The following CEP350 variants were observed in gnomAD, a reference collection of about 807,000 sequenced individuals.
The protein encoded by CEP350 is centrosome-associated protein 350.
In CEP350, 126 loss-of-function variants were observed where a neutral mutation model predicts 331.8. The observed-to-expected ratio is 0.38, with a 90% confidence interval of 0.33 to 0.44. The LOEUF is 0.44. Among genes scored for constraint, CEP350 ranks in the 20% least tolerant of loss-of-function variants. CEP350 has a pLI of 1.00. For synonymous variants in CEP350, 1,200 were observed against 1,259.5 expected (o/e 0.95, Z 1.00); for missense variants, 3,406 against 3,634.6 (o/e 0.94, Z 1.62).
chr1:179,971,581 C>T (rs997249665), intron 1 of CEP350, among the ~76,000 whole-genome samples: 1 of 152,186 alleles, frequency 6.6e-6, no homozygotes, highest in Non-Finnish European at 1.5e-5. Flanking sequence ...CTATCTTGGC[C>T]TCCCAAAGCG....
chr1:180,058,556 A>T (rs1235650175), intron 25 of CEP350, among the ~76,000 whole-genome samples: 2 of 152,156 alleles, frequency 1.3e-5, no homozygotes, highest in African/African-American at 4.8e-5. Flanking sequence ...ACTTCTGGGG[A>T]AGAGAGGAAG....
chr1:180,025,115 G>A (rs113329830), intron 14 of CEP350, among the ~76,000 whole-genome samples: 5 of 151,766 alleles, frequency 3.3e-5, no homozygotes, highest in South Asian at 2.1e-4. Context: ...TAGTAGAGAC[G>A]GGGTTTCACC....
At chr1:180,019,855 C>A in intron 11 of CEP350, 94 bp from the exon 12 acceptor site, 1 of 1,008,236 alleles carries the variant, frequency 9.9e-7, no homozygotes, top group Non-Finnish European at 1.4e-6. Flanking sequence ...TTTTTTGTTG[C>A]AGTGCATCCT....
At chr1:179,955,734 A>C (rs1650127235) in intron 1 of CEP350, among the ~76,000 whole-genome samples, 1 of 152,240 alleles carries the variant, frequency 6.6e-6, no homozygotes, top group African/African-American at 2.4e-5. Context: ...ATGTCACAAG[A>C]TATGAATTGG....
intron 35 of CEP350, 39 bp from the exon 36 acceptor site, chr1:180,095,999 G>C (rs781511815): frequency 7.8e-6 from 12 of 1,548,114 alleles, no homozygotes; most frequent in Middle Eastern, 1.7e-4. Flanking sequence ...TGGATTCTTA[G>C]CCATTTTGTT....
intron 27 of CEP350, among the ~76,000 whole-genome samples, chr1:180,065,959 C>T (rs1658525753): frequency 6.6e-6 from 1 of 152,066 alleles, no homozygotes; most frequent in South Asian, 2.1e-4. Context: ...GACTCTCTGG[C>T]ATCTCTCAGG....
chr1:179,966,593 A>G (rs896694746), intron 1 of CEP350, among the ~76,000 whole-genome samples: 1 of 152,188 alleles, frequency 6.6e-6, no homozygotes, highest in Non-Finnish European at 1.5e-5. Flanking sequence ...AAAGGGGGCT[A>G]GAACACAAAA....
At chr1:180,016,803 A>C (rs1049979940) in intron 11 of CEP350, among the ~76,000 whole-genome samples, 12 of 151,984 alleles carry the variant, frequency 7.9e-5, no homozygotes, top group African/African-American at 2.2e-4. Context: ...CTGGGATTAC[A>C]GGCATGTGCC....
chr1:179,957,552 A>G (rs1017808526), intron 1 of CEP350, among the ~76,000 whole-genome samples: 13 of 152,246 alleles, frequency 8.5e-5, no homozygotes, highest in Non-Finnish European at 4.4e-5. Flanking sequence ...AGTGCCTAGC[A>G]TATGGTAACA....
chr1:179,993,901 A>G (rs533055525), intron 5 of CEP350, among the ~76,000 whole-genome samples: 12 of 152,226 alleles, frequency 7.9e-5, no homozygotes, highest in South Asian at 4.1e-4. Flanking sequence ...CATTTTCCCA[A>G]CCTAGTTCAT....
chr1:180,096,057 A>C lies in CEP350; in HGVS notation c.8939A>C (p.Lys2980Thr). The C allele has an allele frequency of 6.4e-7, 1 of 1,552,878 alleles. No individual in the cohort carries two copies. The highest frequency in any genetic ancestry group is 8.7e-7 in the Non-Finnish European group (1 of 1,147,526). The change falls in exon 36 of 38, where the codon AAA becomes ACA. Residue 2980 changes from lysine to threonine, a missense_variant. This residue lies in a region of CEP350 where 1,415 missense variants were observed against 1,512.3 expected (regional missense o/e 0.94). Transcript: ENST00000367607. ...VYKQAVFDLT[K>T]EIFEEIFAED... ...ATCAAGGCGGTTTTTGATTTAACAA[A>C]AGAGATTTTTGAGGAAATATTTGCT...
chr1:179,979,950 T>C (rs1469958011), intron 1 of CEP350, among the ~76,000 whole-genome samples: 1 of 152,162 alleles, frequency 6.6e-6, no homozygotes, highest in Non-Finnish European at 1.5e-5. Context: ...GTAGTATATT[T>C]TGAAATCTGG....
At chr1:180,039,137 G>A (rs1192917107) in intron 17 of CEP350, among the ~76,000 whole-genome samples, 1 of 149,886 alleles carries the variant, frequency 6.7e-6, no homozygotes, top group Non-Finnish European at 1.5e-5. Context: ...GTGGGGGGGT[G>A]GGGGGTGGTG....
intron 33 of CEP350, among the ~76,000 whole-genome samples, chr1:180,092,238 G>A (rs1660238124): frequency 6.6e-6 from 1 of 152,150 alleles, no homozygotes; most frequent in Non-Finnish European, 1.5e-5. Flanking sequence ...AGTATATATG[G>A]AAGTCTGTTT....
intron 29 of CEP350, among the ~76,000 whole-genome samples, chr1:180,079,023 C>A (rs1185884186): frequency 6.6e-6 from 1 of 152,130 alleles, no homozygotes; most frequent in East Asian, 1.9e-4. Context: ...AGTACCTTTA[C>A]TGTAACTGAA....
rs981873135 is a variant in CEP350, at chr1:180,058,950, C to T, written c.5263-3270C>T. Among the ~76,000 whole-genome samples, 4 of 152,044 alleles carry T rather than the reference C, an allele frequency of 2.6e-5. No individual in the cohort carries two copies. The East Asian group carries it at 5.8e-4, about 22-fold the overall frequency. ...TTTTCCTATGTCTTATTCGTTTTAC[C>T]CTCCCTGAAGTGACATTCATAACAC... is the stretch of plus-strand genomic sequence containing the variant. On this transcript the variant is annotated intron_variant, in intron 25 of 37. Transcript: ENST00000367607.
At position 180,053,633 on chromosome 1, in the gene CEP350, ATTGTTGGTGGCC is replaced by A. The variant is rs1340239061; in HGVS notation, c.4990-111_4990-100del. ...GCCTTTTTAAAGAATATACTCTTAC[ATTGTTGGTGGCC>A]TTGTTAAATACATAGTTTGTTTTTG... On this transcript the variant is annotated intron_variant, in intron 23 of 37. Coordinates refer to ENST00000367607, the MANE Select transcript of CEP350 (RefSeq NM_014810.5). The A allele has an allele frequency of 1.6e-5, 9 of 557,674 alleles. No individual in the cohort carries two copies. The African/African-American group carries it at 1.7e-4, about 10-fold the overall frequency. 34.5% of individuals were successfully genotyped at this position (557,674 alleles called of 1,614,324 possible). A position where few individuals can be genotyped will look rare whatever the true frequency, so the allele number is the denominator to read the frequency against.
At chr1:180,098,085 C>T (rs1571998400) in intron 36 of CEP350, among the ~76,000 whole-genome samples, 1 of 152,326 alleles carries the variant, frequency 6.6e-6, no homozygotes, top group East Asian at 1.9e-4. Flanking sequence ...ATTCTCCTGC[C>T]TCAGCCTCCT....
intron 15 of CEP350, among the ~76,000 whole-genome samples, chr1:180,031,759 C>G (rs1317911471): frequency 6.6e-6 from 1 of 152,014 alleles, no homozygotes; most frequent in Non-Finnish European, 1.5e-5. Context: ...GCCCAGTTTT[C>G]TATGCTGAAT....
Sources: gnomAD v4.1 joint callset for allele counts (sites outside exome capture counted in the v4.1 genomes callset) on GRCh38, gnomAD v4.1.1 for gene constraint, gnomAD v4.1.1 regional missense constraint, MANE v1.5 for transcripts, NCBI Gene and HGNC (gene_info 2026-07-23, HGNC 2026-07-21) for gene names.